The following ABI3BP variants were observed in gnomAD, a reference collection of about 807,000 sequenced individuals.
ABI3BP encodes ABI family member 3 binding protein, also known as target of Nesh-SH3.
ABI3BP carries 216 observed loss-of-function variants against 268.6 expected under a neutral mutation model. The ratio of observed to expected loss-of-function variants is 0.80; its 90% CI spans 0.72 to 0.90. The LOEUF (loss-of-function observed/expected upper bound fraction) is 0.90, where lower values mean the gene tolerates loss of function less well. ABI3BP is among the 40% of genes least tolerant of loss of function. ABI3BP has a pLI of 0.00. For synonymous variants in ABI3BP, 730 were observed against 730.0 expected, an observed-to-expected ratio of 1.00 and a Z score of 0.00; for missense variants, 2,090 against 2,182.4, an observed-to-expected ratio of 0.96 and a Z score of 0.84.
intron 43 of ABI3BP, chr3:100,816,319 C>G (rs912663860): frequency 2.3e-6 from 1 of 438,080 alleles, no homozygotes; most frequent in Non-Finnish European, 4.1e-6. Flanking sequence ...TAACTTGTTG[C>G]TTTTCTTGGA....
chr3:100,754,612 C>T lies in ABI3BP; in HGVS notation c.4930G>A (p.Ala1644Thr). 2 of 1,578,266 alleles carry T rather than the reference C, an allele frequency of 1.3e-6. No homozygotes were observed. Among genetic ancestry groups the T allele is most frequent in the Non-Finnish European group, 1.7e-6 (2 of 1,160,558 alleles). ...SNTVAFSTES[A>T]DPRVSEPVSA... The stretch of plus-strand genomic sequence containing the variant: ...TGGGAATTACTGTTGATGTAATTAC[C>T]TGATTCAGTACTGAATGCCACTGTG... The change falls in exon 64 of 68, where the codon GCG becomes ACG. Residue 1644 changes from alanine to threonine, a missense_variant and splice_region_variant. Physicochemically the swap from Ala to Thr is moderately conservative, Grantham distance 58 (BLOSUM62 0). Coordinates refer to ENST00000471714, the MANE Select transcript of ABI3BP (RefSeq NM_001375547.2).
intron 1 of ABI3BP, among the ~76,000 whole-genome samples, chr3:100,956,230 C>A (rs1313832084): frequency 7.1e-6 from 1 of 140,550 alleles, no homozygotes; most frequent in Non-Finnish European, 1.6e-5. Context: ...CACACACACA[C>A]ACACACACAC....
At chr3:100,949,800 G>A (rs2074147034) in intron 1 of ABI3BP, among the ~76,000 whole-genome samples, 2 of 152,128 alleles carry the variant, frequency 1.3e-5, no homozygotes, top group African/African-American at 4.8e-5. Flanking sequence ...GTAAGGAGTG[G>A]CGTTTTGAAG....
chr3:100,831,152 T>C (rs952815617), intron 31 of ABI3BP, among the ~76,000 whole-genome samples: 1 of 152,076 alleles, frequency 6.6e-6, no homozygotes, highest in South Asian at 2.1e-4. Context: ...TCCCCTTGAG[T>C]GTGTGCTGGA....
intron 3 of ABI3BP, among the ~76,000 whole-genome samples, chr3:100,899,421 T>C (rs1366415176): frequency 6.6e-6 from 1 of 152,240 alleles, no homozygotes; most frequent in Non-Finnish European, 1.5e-5. Flanking sequence ...AATCTCTTCA[T>C]GTTATTGTAG....
At chr3:100,933,590 GAAA>G (rs914766486) in intron 1 of ABI3BP, among the ~76,000 whole-genome samples, 8 of 112,024 alleles carry the variant, frequency 7.1e-5, no homozygotes, top group African/African-American at 2.7e-4. Context: ...GAACTAACAA[GAAA>G]AAAAAAAGGC....
chr3:100,969,771 C>T (rs1264980075), intron 1 of ABI3BP, among the ~76,000 whole-genome samples: 3 of 152,048 alleles, frequency 2.0e-5, no homozygotes, highest in African/African-American at 4.8e-5. Flanking sequence ...AGAGTGTTAA[C>T]TCATTTTTTT....
Position 100,886,191 on chromosome 3 carries a change from C to T in ABI3BP, c.594G>A (p.Val198=). ...AAATCTTACTCCAAATTCCACCTTCCACATTGTCTTTCACTCCAAATTCAT... is the reference window on the plus strand; with the variant it reads ...AAATCTTACTCCAAATTCCACCTTCTACATTGTCTTTCACTCCAAATTCAT... ...TVYEFGVKDN[V]EGGIWSKIFN... The change falls in exon 5 of 68, where the codon GTG becomes GTA. Residue 198 remains valine (V), a synonymous_variant. Coordinates refer to ENST00000471714, the MANE Select transcript of ABI3BP (RefSeq NM_001375547.2). 1 of 1,604,774 alleles carries T rather than the reference C, an allele frequency of 6.2e-7. No homozygotes were observed. Among genetic ancestry groups the T allele is most frequent in the Non-Finnish European group, 8.5e-7 (1 of 1,175,456 alleles).
chr3:100,876,437 G>A, intron 7 of ABI3BP, 75 bp downstream of exon 7: 2 of 1,265,824 alleles, frequency 1.6e-6, no homozygotes, highest in East Asian at 4.8e-5. Context: ...GAGAAAATAT[G>A]TGCCGTGTTT....
At chr3:100,881,256 A>T (rs1303904838) in intron 6 of ABI3BP, among the ~76,000 whole-genome samples, 1 of 152,228 alleles carries the variant, frequency 6.6e-6, no homozygotes, top group African/African-American at 2.4e-5. Context: ...GTACACAGTC[A>T]TAAAGTGTGG....
intron 2 of ABI3BP, among the ~76,000 whole-genome samples, chr3:100,903,170 C>T (rs2051319215): frequency 6.6e-6 from 1 of 152,098 alleles, no homozygotes; most frequent in African/African-American, 2.4e-5. Flanking sequence ...AATTTGTATC[C>T]TGTTTATGTA....
rs939166792 is a variant in ABI3BP at position 100,917,650 on chromosome 3, G to A, written c.259+8652C>T. ...CGGGGACACTCTTTTGGATATTATC[G>A]AGAATGACTTTTTAAAAGTTAGATT... is the stretch of plus-strand genomic sequence containing the variant. On this transcript the variant is annotated intron_variant, in intron 2 of 67. Coordinates refer to ENST00000471714, the MANE Select transcript of ABI3BP (RefSeq NM_001375547.2). 3.9e-5 allele frequency among the ~76,000 whole-genome samples: 6 copies of A among 152,192 alleles called. No individual in the cohort carries two copies. In the East Asian group the frequency reaches 1.2e-3, roughly 29 times the overall value.
chr3:100,959,334 CA>C (rs2078024460), intron 1 of ABI3BP, among the ~76,000 whole-genome samples: 1 of 150,792 alleles, frequency 6.6e-6, no homozygotes, highest in Non-Finnish European at 1.5e-5. Flanking sequence ...ACTAAAAATA[CA>C]AAAAATTAGC....
intron 1 of ABI3BP, among the ~76,000 whole-genome samples, chr3:100,957,195 A>T (rs982326933): frequency 3.3e-5 from 5 of 152,212 alleles, no homozygotes; most frequent in African/African-American, 1.2e-4. Context: ...TGAGTAAGAA[A>T]AATAGAGAAA....
rs1164008151 is a variant in ABI3BP, at chr3:100,847,583, A to G, written c.1648+19T>C. 1 of 1,590,626 alleles carries G rather than the reference A, an allele frequency of 6.3e-7. No homozygotes were observed. Among genetic ancestry groups the G allele is most frequent in the Non-Finnish European group, 8.6e-7 (1 of 1,158,686 alleles). On this transcript the variant is annotated intron_variant, in intron 19 of 67. Coordinates refer to ENST00000471714, the MANE Select transcript of ABI3BP (RefSeq NM_001375547.2). The stretch of plus-strand genomic sequence containing the variant: ...GGTGAAATGAAGCAACACATCTACT[A>G]AGGACATATCATTATTACCCGGTGT...
intron 4 of ABI3BP, among the ~76,000 whole-genome samples, chr3:100,890,279 C>T (rs1053292912): frequency 6.6e-6 from 1 of 152,120 alleles, no homozygotes. Context: ...AAGAACACAT[C>T]CTGACACTGT....
chr3:100,848,921 G>T lies in ABI3BP; in HGVS notation c.1502-46C>A, dbSNP rs575053279. ...GCTTTGATAAATGATATTTTTCAGGGGTCAATCAGGTTGTGCCTGTAAATT... is the reference window on the plus strand; with the variant it reads ...GCTTTGATAAATGATATTTTTCAGGTGTCAATCAGGTTGTGCCTGTAAATT... On this transcript the variant is annotated intron_variant, in intron 17 of 67. Transcript: ENST00000471714. The T allele has an allele frequency of 6.5e-6, 10 of 1,542,786 alleles. No individual in the cohort carries two copies. In the South Asian group the frequency reaches 9.0e-5, roughly 14 times the overall value.
In ABI3BP at chr3:100,813,756, T is replaced by C. The variant is rs942490556; in HGVS notation, c.3290-21A>G. 5.2e-6 allele frequency: 8 copies of C among 1,524,438 alleles called. No homozygotes were observed. In the Admixed American group the frequency reaches 5.9e-5, roughly 11 times the overall value. The allele number at this position is 1,524,438 out of a possible 1,614,324, so 94.4% of individuals were successfully genotyped here. The stretch of plus-strand genomic sequence containing the variant: ...CAGAGCTGAAAGAAGAGGGTCTCAA[T>C]TGTAAGAGTAATTTTCAGTTATTTA... On this transcript the variant is annotated intron_variant, in intron 44 of 67. Coordinates refer to ENST00000471714, the MANE Select transcript of ABI3BP (RefSeq NM_001375547.2).
At chr3:100,904,532 G>A (rs1411716436) in intron 2 of ABI3BP, among the ~76,000 whole-genome samples, 1 of 152,192 alleles carries the variant, frequency 6.6e-6, no homozygotes, top group East Asian at 1.9e-4. Flanking sequence ...AACAAGGTAA[G>A]TATGTCACAT....
Sources: allele counts gnomAD v4.1 joint callset (sites outside exome capture counted in the v4.1 genomes callset), GRCh38; gene constraint gnomAD v4.1.1; transcripts MANE v1.5; gene names NCBI Gene and HGNC (gene_info 2026-07-23, HGNC 2026-07-21).